PTGIS: variants seen among roughly 807,000 people sequenced by gnomAD.
The protein encoded by PTGIS is prostacyclin synthase.
In PTGIS, 45 loss-of-function variants were observed where a neutral mutation model predicts 50.3. That is an observed-to-expected ratio of 0.90 (90% CI 0.70 to 1.15). The LOEUF (loss-of-function observed/expected upper bound fraction) is 1.15, where lower values mean the gene tolerates loss of function less well. Among genes scored for constraint, PTGIS ranks in the 50% most tolerant of loss-of-function variants. The pLI is 0.00. For missense variants in PTGIS, 668 were observed against 661.3 expected, an observed-to-expected ratio of 1.01 and a Z score of -0.11; for synonymous variants, 260 against 267.7, an observed-to-expected ratio of 0.97 and a Z score of 0.28.
chr20:49,563,654 C>A (rs1329361939), intron 1 of PTGIS, among the ~76,000 whole-genome samples: 1 of 152,226 alleles, frequency 6.6e-6, no homozygotes, highest in East Asian at 1.9e-4. Flanking sequence ...ACAGCACAAA[C>A]CCAGCCCATC....
chr20:49,511,256 C>T, intron 8 of PTGIS, 77 bp from the exon 9 acceptor site: 2 of 1,539,518 alleles, frequency 1.3e-6, no homozygotes, highest in South Asian at 2.3e-5. Flanking sequence ...TGAGGATGTT[C>T]ATGACAGTCA....
chr20:49,526,159 T>C (rs958667560), intron 5 of PTGIS, among the ~76,000 whole-genome samples: 7 of 152,178 alleles, frequency 4.6e-5, no homozygotes, highest in African/African-American at 1.2e-4. Flanking sequence ...CAACCCCAGA[T>C]TGATCATGTC....
intron 1 of PTGIS, among the ~76,000 whole-genome samples, chr20:49,552,517 TTCTCTC>T (rs142485904): frequency 6.6e-6 from 1 of 151,192 alleles, no homozygotes; most frequent in Non-Finnish European, 1.5e-5. Context: ...CCCTCTTTCT[TTCTCTC>T]TCTCTCTCTG....
chr20:49,562,106 T>C lies in PTGIS; in HGVS notation c.74+5937A>G, dbSNP rs180995643. ...AAGTCACATGCCAGAGGGTCCAACA[T>C]AGAGGACTTGGGTTTCTAATCCAGA... On this transcript the variant is annotated intron_variant, in intron 1 of 9. Coordinates refer to ENST00000244043, the MANE Select transcript of PTGIS (RefSeq NM_000961.4). 1.9e-4 allele frequency among the ~76,000 whole-genome samples: 29 copies of C among 152,198 alleles called. No homozygotes were observed. In the East Asian group the frequency reaches 5.2e-3, roughly 27 times the overall value.
intron 6 of PTGIS, among the ~76,000 whole-genome samples, chr20:49,523,463 C>A (rs1016552707): frequency 1.4e-4 from 21 of 151,658 alleles, no homozygotes; most frequent in Admixed American, 7.9e-4. Context: ...ATAAATTTAA[C>A]ATTTTTCCAA....
At chr20:49,563,815 T>A (rs1365415002) in intron 1 of PTGIS, among the ~76,000 whole-genome samples, 2 of 152,232 alleles carry the variant, frequency 1.3e-5, no homozygotes, top group African/African-American at 4.8e-5. Context: ...GATGCCACTA[T>A]GCCTTCCGGA....
At chr20:49,548,236 A>G (rs1171098589) in intron 2 of PTGIS, among the ~76,000 whole-genome samples, 1 of 152,232 alleles carries the variant, frequency 6.6e-6, no homozygotes, top group African/African-American at 2.4e-5. Flanking sequence ...AGGAGAAGAA[A>G]TGTGCCCAAG....
chr20:49,520,286 G>A (rs960581693), intron 6 of PTGIS, among the ~76,000 whole-genome samples: 2 of 151,550 alleles, frequency 1.3e-5, no homozygotes, highest in Non-Finnish European at 2.9e-5. Context: ...GCCTTCCTGG[G>A]CCTGCCTTCC....
At chr20:49,534,015 G>C (rs950471331) in intron 5 of PTGIS, among the ~76,000 whole-genome samples, 1 of 151,934 alleles carries the variant, frequency 6.6e-6, no homozygotes, top group Non-Finnish European at 1.5e-5. Flanking sequence ...TAGTGATATA[G>C]TATACCCTCT....
chr20:49,508,957 C>T (rs1324011482), intron 9 of PTGIS, among the ~76,000 whole-genome samples: 2 of 152,226 alleles, frequency 1.3e-5, no homozygotes, highest in Non-Finnish European at 2.9e-5. Context: ...CCACTATTCC[C>T]TACCCCAACC....
Position 49,544,401 on chromosome 20 carries a change from G to T in PTGIS, c.425C>A (p.Thr142Asn), listed in dbSNP as rs1982306555. Residue 142 changes from threonine to asparagine, a missense_variant, in exon 4 of 10, where the codon ACC becomes AAC. Coordinates refer to ENST00000244043, the MANE Select transcript of PTGIS (RefSeq NM_000961.4). Reference protein sequence around the residue: ...ELQALTEAMYTNLHAVLLGDA... With the variant: ...ELQALTEAMYNNLHAVLLGDA... Reference sequence around the variant, plus strand: ...GCCCAACAGCACTGCATGGAGGTTGGTATACATGGCTTCTGTGAGTGCCTG... The same window carrying T: ...GCCCAACAGCACTGCATGGAGGTTGTTATACATGGCTTCTGTGAGTGCCTG... 4 of 1,614,144 alleles carry T rather than the reference G, an allele frequency of 2.5e-6. No homozygotes were observed. The highest frequency in any genetic ancestry group is 3.4e-6 in the Non-Finnish European group (4 of 1,180,018).
At chr20:49,535,978 A>G (rs1015483479) in intron 5 of PTGIS, among the ~76,000 whole-genome samples, 1 of 152,242 alleles carries the variant, frequency 6.6e-6, no homozygotes, top group African/African-American at 2.4e-5. Context: ...TCTGATGTCT[A>G]TAATTGGTTT....
chr20:49,541,723 A>G (rs1181252989), intron 4 of PTGIS, among the ~76,000 whole-genome samples: 2 of 152,154 alleles, frequency 1.3e-5, no homozygotes, highest in Non-Finnish European at 2.9e-5. Context: ...GAAAGAGCGA[A>G]ACTTTGTCTT....
chr20:49,506,200 T>C lies in PTGIS; in HGVS notation c.*1720A>G, dbSNP rs1302086590. 6.6e-6 allele frequency: 1 copy of C among 152,430 alleles called. No homozygotes were observed. The highest frequency in any genetic ancestry group is 1.5e-5 in the Non-Finnish European group (1 of 68,044). 9.4% of individuals were successfully genotyped at this position (152,430 alleles called of 1,614,324 possible). A position where few individuals can be genotyped will look rare whatever the true frequency, so the allele number is the denominator to read the frequency against. ...CCTCACCTCTCAGTTTTCTCATCTA[T>C]GAAGTGGGCACAACCCTCCTTCTCT... On this transcript the variant is annotated 3_prime_UTR_variant, in exon 10 of 10. Transcript: ENST00000244043.
chr20:49,521,739 T>C (rs1208757873), intron 6 of PTGIS, among the ~76,000 whole-genome samples: 2 of 152,050 alleles, frequency 1.3e-5, no homozygotes, highest in South Asian at 2.1e-4. Flanking sequence ...TACCCAGAAA[T>C]GTCAGCTTGT....
chr20:49,556,822 T>C (rs1982631519), intron 1 of PTGIS, among the ~76,000 whole-genome samples: 1 of 152,134 alleles, frequency 6.6e-6, no homozygotes, highest in Non-Finnish European at 1.5e-5. Flanking sequence ...TTCTAAAAAT[T>C]CTCCTGGCTC....
At position 49,547,835 on chromosome 20, in the gene PTGIS, A is replaced by T. The variant is rs1333651849; in HGVS notation, c.377+6T>A. ...CCTCCCACAGGTGCCATCTCCAGCC[A>T]CTCACAGTTTCATCCTGGCCTTTTC... On this transcript the variant is annotated splice_donor_region_variant and intron_variant, in intron 3 of 9. Coordinates refer to ENST00000244043, the MANE Select transcript of PTGIS (RefSeq NM_000961.4). 6.2e-7 allele frequency: 1 copy of T among 1,613,934 alleles called. No individual in the cohort carries two copies. Among genetic ancestry groups the T allele is most frequent in the African/African-American group, 1.3e-5 (1 of 74,982 alleles).
intron 1 of PTGIS, among the ~76,000 whole-genome samples, chr20:49,560,020 G>T (rs1350924157): frequency 6.6e-6 from 1 of 151,826 alleles, no homozygotes. Context: ...CACCTCCCGG[G>T]TTCAAGCAAT....
Position 49,507,952 on chromosome 20 carries a change from C to A in PTGIS, c.1471G>T (p.Asp491Tyr). The A allele has an allele frequency of 6.2e-7, 1 of 1,613,286 alleles. No individual in the cohort carries two copies. The highest frequency in any genetic ancestry group is 8.5e-7 in the Non-Finnish European group (1 of 1,180,036). ...YGFGLMQPEH[D>Y]VPVRYRIRP is the part of the protein sequence containing the mutation. Reference sequence around the variant, plus strand: ...CGGATGCGGTAGCGGACGGGCACGTCGTGTTCCGGCTGCATCAGACCGAAG... The same window carrying A: ...CGGATGCGGTAGCGGACGGGCACGTAGTGTTCCGGCTGCATCAGACCGAAG... Residue 491 changes from aspartate (D) to tyrosine (Y), a missense_variant, in exon 10 of 10, where the codon GAC becomes TAC. Asp to Tyr is a radical substitution (Grantham distance 160). Coordinates refer to ENST00000244043, the MANE Select transcript of PTGIS (RefSeq NM_000961.4).
Sources: gnomAD v4.1 joint callset for allele counts (sites outside exome capture counted in the v4.1 genomes callset) on GRCh38, gnomAD v4.1.1 for gene constraint, MANE v1.5 for transcripts, NCBI Gene and HGNC (gene_info 2026-07-23, HGNC 2026-07-21) for gene names.